Variants in CRACR2A observed in about 807,000 individuals in gnomAD.
The protein encoded by CRACR2A is calcium release activated channel regulator 2A.
Under a neutral mutation model 90.5 loss-of-function variants are expected in CRACR2A, and 79 were observed. That is an observed-to-expected ratio of 0.87 (90% CI 0.73 to 1.05). The LOEUF is 1.05. Among genes scored for constraint, CRACR2A ranks in the 50% least tolerant of loss-of-function variants. CRACR2A has a pLI of 0.00. For synonymous variants in CRACR2A, 338 were observed against 356.7 expected, an observed-to-expected ratio of 0.95 and a Z score of 0.59; for missense variants, 823 against 897.2, an observed-to-expected ratio of 0.92 and a Z score of 1.06.
chr12:3,664,364 T>C (rs1454172596), intron 7 of CRACR2A, among the ~76,000 whole-genome samples: 1 of 152,236 alleles, frequency 6.6e-6, no homozygotes, highest in Admixed American at 6.5e-5. Flanking sequence ...TCAAATACTT[T>C]ATATCCTTCT....
At chr12:3,663,745 A>G (rs1207336528) in intron 7 of CRACR2A, among the ~76,000 whole-genome samples, 1 of 152,218 alleles carries the variant, frequency 6.6e-6, no homozygotes, top group Admixed American at 6.5e-5. Flanking sequence ...TAGATGCTGC[A>G]TATCTATTCA....
intron 14 of CRACR2A, among the ~76,000 whole-genome samples, chr12:3,636,283 C>T (rs1180973352): frequency 6.6e-6 from 1 of 152,236 alleles, no homozygotes; most frequent in Non-Finnish European, 1.5e-5. Flanking sequence ...CACGGCCTGC[C>T]TTGCAGTAGC....
chr12:3,666,336 T>TGC (rs1459344751), intron 7 of CRACR2A, among the ~76,000 whole-genome samples: 4 of 132,616 alleles, frequency 3.0e-5, no homozygotes, highest in African/African-American at 1.2e-4. Flanking sequence ...GCTGCGTGTG[T>TGC]GTGTGTGTGT....
At chr12:3,731,669 A>G (rs1946362819) in intron 2 of CRACR2A, 1 of 152,272 alleles carries the variant, frequency 6.6e-6, no homozygotes, top group East Asian at 1.9e-4. Context: ...CTAGTACCTC[A>G]GAATGTGACC....
intron 10 of CRACR2A, among the ~76,000 whole-genome samples, chr12:3,653,922 G>A (rs1442500414): frequency 6.6e-6 from 1 of 152,192 alleles, no homozygotes; most frequent in Non-Finnish European, 1.5e-5. Flanking sequence ...GAGTACATAT[G>A]AGTAACCTCA....
Position 3,621,648 on chromosome 12 carries a change from C to CAAAAAAAAAAAA in CRACR2A, c.1933-2288_1933-2277dup. On this transcript the variant is annotated intron_variant, in intron 17 of 19. Coordinates refer to ENST00000440314, the MANE Select transcript of CRACR2A (RefSeq NM_001144958.2). The stretch of plus-strand genomic sequence containing the variant: ...CCTCAGTGACAGAGAGAGACTCTGT[C>CAAAAAAAAAAAA]AAAAAAAAAAAAAAAAAAAAAAAAA... 7.5e-4 allele frequency among the ~76,000 whole-genome samples: 11 copies of CAAAAAAAAAAAA among 14,582 alleles called. 2 individuals are homozygous for CAAAAAAAAAAAA. Among genetic ancestry groups the CAAAAAAAAAAAA allele is most frequent in the African/African-American group, 2.1e-3 (8 of 3,772 alleles). 9.6% of individuals were successfully genotyped at this position (14,582 alleles called of 152,430 possible).
At chr12:3,648,079 C>A in intron 11 of CRACR2A, 28 of 995,242 alleles carry the variant, frequency 2.8e-5, no homozygotes, top group Non-Finnish European at 3.3e-5. Flanking sequence ...CCATTCTGGC[C>A]CCATCAGAGA....
chr12:3,722,089 T>C (rs1946188816), intron 2 of CRACR2A, among the ~76,000 whole-genome samples: 1 of 152,230 alleles, frequency 6.6e-6, no homozygotes. Flanking sequence ...TCTACCCCCA[T>C]ACATTTTTAG....
intron 12 of CRACR2A, among the ~76,000 whole-genome samples, chr12:3,644,362 A>G (rs1944646710): frequency 6.6e-6 from 1 of 152,172 alleles, no homozygotes; most frequent in Non-Finnish European, 1.5e-5. Context: ...CCTCCCAAAT[A>G]TTTCAGTCTT....
chr12:3,736,711 T>C (rs866793262), intron 1 of CRACR2A, among the ~76,000 whole-genome samples: 2 of 151,990 alleles, frequency 1.3e-5, no homozygotes. Flanking sequence ...AAGCAGTGCT[T>C]AGAGAGGAAG....
intron 11 of CRACR2A, among the ~76,000 whole-genome samples, chr12:3,645,392 G>C (rs553113377): frequency 6.6e-6 from 1 of 152,342 alleles, no homozygotes; most frequent in East Asian, 1.9e-4. Flanking sequence ...AGAGTAGTTA[G>C]GAGATGAAGC....
Position 3,616,956 on chromosome 12 carries a change from G to A in CRACR2A, c.2109C>T (p.Ala703=). 1 of 1,550,560 alleles carries A rather than the reference G, an allele frequency of 6.4e-7. No individual in the cohort carries two copies. Among genetic ancestry groups the A allele is most frequent in the East Asian group, 2.4e-5 (1 of 40,914 alleles). Residue 703 remains alanine (A), a splice_region_variant and synonymous_variant, in exon 19 of 20, where the codon GCC becomes GCT. Coordinates refer to ENST00000440314, the MANE Select transcript of CRACR2A (RefSeq NM_001144958.2). ...ACCTGGGGAGCACATCTCTTTACCT[G>A]GCCAGATGGAGCAGGGACTCTTTGG... The part of the protein sequence containing the change: ...HNTKESLLHL[A]RFLKEQEDTV...
At chr12:3,716,983 G>A (rs1187611465) in intron 2 of CRACR2A, among the ~76,000 whole-genome samples, 2 of 152,076 alleles carry the variant, frequency 1.3e-5, no homozygotes, top group Non-Finnish European at 2.9e-5. Context: ...TACAAGCCAG[G>A]ACACTTCAGT....
intron 6 of CRACR2A, among the ~76,000 whole-genome samples, chr12:3,673,921 C>G (rs1192419457): frequency 6.6e-6 from 1 of 152,180 alleles, no homozygotes; most frequent in Non-Finnish European, 1.5e-5. Flanking sequence ...CTGTCTGACT[C>G]CGGTGTTGGC....
chr12:3,615,390 C>A lies in CRACR2A; in HGVS notation c.2161G>T (p.Gly721Cys). 6.4e-7 allele frequency: 1 copy of A among 1,551,558 alleles called. No individual in the cohort carries two copies. The highest frequency in any genetic ancestry group is 8.7e-7 in the Non-Finnish European group (1 of 1,146,922). The part of the protein sequence containing the change: ...DTVREDTIQV[G>C]HPAKKKSCCG The stretch of plus-strand genomic sequence containing the variant: ...CAGGATTTCTTCTTAGCAGGGTGGC[C>A]GACCTGAATGGTGTCCTCTCTCACT... The change falls in exon 20 of 20, where the codon GGC becomes TGC. Residue 721 changes from glycine (G) to cysteine (C), a missense_variant. Transcript: ENST00000440314.
At position 3,737,286 on chromosome 12, in the gene CRACR2A, T is replaced by A. The variant is rs1403457624; in HGVS notation, c.-386-4076A>T. On this transcript the variant is annotated intron_variant, in intron 1 of 19. Coordinates refer to ENST00000440314, the MANE Select transcript of CRACR2A (RefSeq NM_001144958.2). The stretch of plus-strand genomic sequence containing the variant: ...ACCCTCAGGTAGAACACGCTTTTTG[T>A]GTGTTCAAGAAATGGAAGGAAACCA... Among the ~76,000 whole-genome samples, 38 of 152,098 alleles carry A rather than the reference T, an allele frequency of 2.5e-4. 1 individual carries two copies. The highest frequency in any genetic ancestry group is 2.5e-3 in the Admixed American group (38 of 15,270).
At position 3,627,688 on chromosome 12, in the gene CRACR2A, T is replaced by G; in HGVS notation, c.1754A>C (p.Lys585Thr). 1.3e-6 allele frequency: 2 copies of G among 1,551,786 alleles called. No homozygotes were observed. The highest frequency in any genetic ancestry group is 1.7e-6 in the Non-Finnish European group (2 of 1,147,010). The change falls in exon 16 of 20, where the codon AAG becomes ACG. Residue 585 changes from lysine (K) to threonine (T), a missense_variant. Coordinates refer to ENST00000440314, the MANE Select transcript of CRACR2A (RefSeq NM_001144958.2). Reference sequence around the variant, plus strand: ...CTGAGAGTTGTCCACATTCAACGTCTTCACACGGTAATCAATGCCTGCAGG... The same window carrying G: ...CTGAGAGTTGTCCACATTCAACGTCGTCACACGGTAATCAATGCCTGCAGG... ...AATVGIDYRV[K>T]TLNVDNSQVA...
At chr12:3,719,319 C>T (rs1215438517) in intron 2 of CRACR2A, among the ~76,000 whole-genome samples, 2 of 152,202 alleles carry the variant, frequency 1.3e-5, no homozygotes, top group Non-Finnish European at 2.9e-5. Context: ...TCAGGAAAGT[C>T]ACTTGGCCTC....
At chr12:3,673,096 CT>C (rs986619347) in intron 7 of CRACR2A, among the ~76,000 whole-genome samples, 2 of 152,228 alleles carry the variant, frequency 1.3e-5, no homozygotes, top group African/African-American at 4.8e-5. Flanking sequence ...GCTATGCCTT[CT>C]GGGGTGTACT....
Sources: gnomAD v4.1 joint callset for allele counts (sites outside exome capture counted in the v4.1 genomes callset) on GRCh38, gnomAD v4.1.1 for gene constraint, MANE v1.5 for transcripts, NCBI Gene and HGNC (gene_info 2026-07-23, HGNC 2026-07-21) for gene names.